DENND2C: variants seen among roughly 807,000 people sequenced by gnomAD.
The protein encoded by DENND2C is DENN domain-containing protein 2C.
A neutral mutation model predicts 112.4 loss-of-function variants in DENND2C; 72 were observed. The observed-to-expected ratio is 0.64, with a 90% CI of 0.53 to 0.78. The LOEUF (loss-of-function observed/expected upper bound fraction) is 0.78, where lower values mean the gene tolerates loss of function less well. Among genes scored for constraint, DENND2C ranks in the 30% least tolerant of loss-of-function variants. The pLI, the probability that DENND2C is intolerant of heterozygous loss-of-function variation, is 0.00. For synonymous variants in DENND2C, 329 were observed against 381.6 expected (o/e 0.86, Z 1.61); for missense variants, 992 against 1,113.8 (o/e 0.89, Z 1.56).
chr1:114,646,575 G>A (rs1363395297), intron 2 of DENND2C, among the ~76,000 whole-genome samples: 1 of 152,164 alleles, frequency 6.6e-6, no homozygotes, highest in Non-Finnish European at 1.5e-5. Flanking sequence ...AAACAAGTGA[G>A]GATGTCACCG....
chr1:114,623,407 G>T, intron 5 of DENND2C, 100 bp downstream of exon 5: 1 of 1,176,434 alleles, frequency 8.5e-7, no homozygotes, highest in Non-Finnish European at 1.2e-6. Flanking sequence ...AAAACCTAGA[G>T]CAATATATGC....
intron 3 of DENND2C, among the ~76,000 whole-genome samples, chr1:114,626,523 T>TC (rs1656347514): frequency 6.7e-6 from 1 of 149,624 alleles, no homozygotes. Context: ...TTTTTTTTTT[T>TC]TTTTTGAGAC....
At chr1:114,661,386 A>T (rs1282545961) in intron 1 of DENND2C, among the ~76,000 whole-genome samples, 2 of 152,218 alleles carry the variant, frequency 1.3e-5, no homozygotes, top group Non-Finnish European at 2.9e-5. Flanking sequence ...TTCAAGAGAT[A>T]TGTAGCCATT....
chr1:114,651,276 TACACACACACACACAC>T, intron 2 of DENND2C, among the ~76,000 whole-genome samples: 1 of 139,366 alleles, frequency 7.2e-6, no homozygotes, highest in East Asian at 2.2e-4. Context: ...TCCCTACACA[TACACACACACACACAC>T]ACACACACAC....
chr1:114,668,625 G>C (rs1252866652), intron 1 of DENND2C, among the ~76,000 whole-genome samples: 2 of 151,118 alleles, frequency 1.3e-5, no homozygotes, highest in African/African-American at 4.9e-5. Context: ...CTCAGAACAG[G>C]CCTACAAGTA....
intron 2 of DENND2C, among the ~76,000 whole-genome samples, chr1:114,646,236 T>C (rs1266430578): frequency 1.3e-5 from 2 of 152,144 alleles, no homozygotes; most frequent in Non-Finnish European, 2.9e-5. Flanking sequence ...CTGTTATTCA[T>C]TGTTAAAACA....
intron 11 of DENND2C, among the ~76,000 whole-genome samples, 188 bp downstream of exon 11, chr1:114,604,734 C>T (rs1250086144): frequency 1.3e-5 from 2 of 149,258 alleles, no homozygotes; most frequent in Non-Finnish European, 3.0e-5. Context: ...TGAAATTATT[C>T]CACGTTTTTA....
intron 1 of DENND2C, among the ~76,000 whole-genome samples, chr1:114,655,883 A>ATATATATATATACAT (rs1557960847): frequency 7.9e-6 from 1 of 125,890 alleles, no homozygotes; most frequent in East Asian, 2.2e-4. Flanking sequence ...TATATGTATA[A>ATATATATATATACAT]ATATATATAT....
At position 114,600,941 on chromosome 1, in the gene DENND2C, TTC is replaced by T. The variant is rs1360891557; in HGVS notation, c.1833_1834del (p.Lys612GlufsTer31). ...AAGGGCTGGAGACATTTCTCTTCTC[TTC>T]TCTACTTCATCCAGAATCTATATAC... On this transcript the variant is annotated frameshift_variant, in exon 14 of 21. Coordinates refer to ENST00000393274, the MANE Select transcript of DENND2C (RefSeq NM_001256404.2). LOFTEE classifies it high-confidence loss of function. 5.7e-5 allele frequency: 92 copies of T among 1,613,456 alleles called. No homozygotes were observed. Among genetic ancestry groups the T allele is most frequent in the Non-Finnish European group, 7.8e-5 (92 of 1,179,692 alleles).
intron 5 of DENND2C, 143 bp from the exon 6 acceptor site, chr1:114,623,242 G>C: frequency 2.7e-6 from 2 of 750,692 alleles, no homozygotes. Context: ...CAGATCAACA[G>C]CAATTTAAGC....
In DENND2C at chr1:114,656,627, A is replaced by C. The variant is rs527456285; in HGVS notation, c.-573-1866T>G. On this transcript the variant is annotated intron_variant, in intron 1 of 20. Transcript: ENST00000393274. ...TGGCCAGGATGGTCTCGATCTCCTGACCTTGTGATCTGCCTGCCTCGGCCT... is the reference window on the plus strand; with the variant it reads ...TGGCCAGGATGGTCTCGATCTCCTGCCCTTGTGATCTGCCTGCCTCGGCCT... Among the ~76,000 whole-genome samples, 7 of 150,988 alleles carry C rather than the reference A, an allele frequency of 4.6e-5. No individual in the cohort carries two copies. The East Asian group carries it at 9.9e-4, about 21-fold the overall frequency.
Position 114,650,338 on chromosome 1 carries a change from TGCAATTTTCAAGAATTTCA to T in DENND2C, c.-317+4148_-317+4166del, listed in dbSNP as rs1043731231. Among the ~76,000 whole-genome samples, 8 of 146,438 alleles carry T rather than the reference TGCAATTTTCAAGAATTTCA, an allele frequency of 5.5e-5. No individual in the cohort carries two copies. In the South Asian group the frequency reaches 6.4e-4, roughly 12 times the overall value. On this transcript the variant is annotated intron_variant, in intron 2 of 20. Coordinates refer to ENST00000393274, the MANE Select transcript of DENND2C (RefSeq NM_001256404.2). ...AATTCTGTCTTAAAAAAAAAAAAGA[TGCAATTTTCAAGAATTTCA>T]GCAATTTTCAAGAATTTCAGACTAT...
intron 3 of DENND2C, among the ~76,000 whole-genome samples, chr1:114,632,152 C>A (rs909872314): frequency 6.6e-6 from 1 of 152,128 alleles, no homozygotes; most frequent in African/African-American, 2.4e-5. Context: ...AAAAACAGAG[C>A]TTCACTGGGA....
intron 8 of DENND2C, among the ~76,000 whole-genome samples, chr1:114,616,416 TC>T (rs1655974615): frequency 6.6e-6 from 1 of 151,950 alleles, no homozygotes; most frequent in Non-Finnish European, 1.5e-5. Flanking sequence ...AAAAGAAAAT[TC>T]TGTCTTTAGA....
rs774272031 is a variant in DENND2C, at chr1:114,621,976, T to C, written c.1146A>G (p.Thr382=). ...ATTCCGTTAAAGTGACCGGCAAAGT[T>C]GTATCTTTTGTAAGCTTTGACCGCA... ...AYLRSKLTKD[T]TLPVTLTEWK... is the part of the protein sequence containing the mutation. The change falls in exon 7 of 21, where the codon ACA becomes ACG. Residue 382 remains threonine (T), a synonymous_variant. Coordinates refer to ENST00000393274, the MANE Select transcript of DENND2C (RefSeq NM_001256404.2). The C allele has an allele frequency of 2.5e-5, 39 of 1,550,788 alleles. 2 individuals carry two copies. In the South Asian group the frequency reaches 4.5e-4, roughly 18 times the overall value.
At chr1:114,601,232 CAG>C (rs760595601) in intron 13 of DENND2C, among the ~76,000 whole-genome samples, 5 of 152,104 alleles carry the variant, frequency 3.3e-5, no homozygotes, top group Admixed American at 1.3e-4. Context: ...AAGAAGGTGA[CAG>C]TGACAATGAT....
At position 114,583,973 on chromosome 1, in the gene DENND2C, T is replaced by C. The variant is rs554233668; in HGVS notation, c.*1627A>G. 2.0e-5 allele frequency: 3 copies of C among 152,196 alleles called. No homozygotes were observed. Among genetic ancestry groups the C allele is most frequent in the Non-Finnish European group, 4.4e-5 (3 of 68,038 alleles). 9.4% of individuals were successfully genotyped at this position (152,196 alleles called of 1,614,324 possible). On this transcript the variant is annotated 3_prime_UTR_variant, in exon 21 of 21. Transcript: ENST00000393274. ...GTGGTATATGTTCAAGGAATGTTCA[T>C]ATTTTGAGTCTAATTTAATTAGAGC... is the stretch of plus-strand genomic sequence containing the variant.
chr1:114,587,576 CA>C, intron 19 of DENND2C, 103 bp from the exon 20 acceptor site: 1 of 1,449,498 alleles, frequency 6.9e-7, no homozygotes. Context: ...AGGGCTAAAA[CA>C]ATATTACAAA....
intron 2 of DENND2C, among the ~76,000 whole-genome samples, chr1:114,648,851 C>G (rs758718967): frequency 6.6e-6 from 1 of 151,976 alleles, no homozygotes; most frequent in Non-Finnish European, 1.5e-5. Flanking sequence ...GAAAATGGCA[C>G]GTAAAACTAA....
Sources: allele counts gnomAD v4.1 joint callset (sites outside exome capture counted in the v4.1 genomes callset), GRCh38; gene constraint gnomAD v4.1.1; transcripts MANE v1.5; gene names NCBI Gene and HGNC (gene_info 2026-07-23, HGNC 2026-07-21).